The following ANKRD17 variants were observed in gnomAD, a reference collection of about 807,000 sequenced individuals.
The protein encoded by ANKRD17 is ankyrin repeat domain 17.
A neutral mutation model predicts 229.7 loss-of-function variants in ANKRD17; 19 were observed. The ratio of observed to expected loss-of-function variants is 0.08; its 90% CI spans 0.06 to 0.12. The LOEUF is 0.12. Ranked by LOEUF, ANKRD17 falls within the 10% of genes least tolerant of loss-of-function variation. The pLI, the probability that ANKRD17 is intolerant of heterozygous loss-of-function variation, is 1.00. For missense variants in ANKRD17, 2,176 were observed against 3,176.8 expected (o/e 0.68, Z 7.57); for synonymous variants, 1,112 against 1,146.1 (o/e 0.97, Z 0.60).
At chr4:73,164,909 ATAT>A (rs1224981698) in intron 2 of ANKRD17, among the ~76,000 whole-genome samples, 1 of 150,016 alleles carries the variant, frequency 6.7e-6, no homozygotes, top group Non-Finnish European at 1.5e-5. Context: ...AATATTATTT[ATAT>A]TATTATTTTA....
At chr4:73,095,264 T>C (rs1362142248) in intron 27 of ANKRD17, among the ~76,000 whole-genome samples, 1 of 152,048 alleles carries the variant, frequency 6.6e-6, no homozygotes, top group African/African-American at 2.4e-5. Flanking sequence ...TCTAAAAATC[T>C]TTAATAATGT....
intron 1 of ANKRD17, among the ~76,000 whole-genome samples, chr4:73,208,635 A>G (rs1440655235): frequency 1.3e-5 from 2 of 152,218 alleles, no homozygotes; most frequent in African/African-American, 2.4e-5. Flanking sequence ...TTAGAGATCA[A>G]TCCTCCAAGG....
intron 15 of ANKRD17, among the ~76,000 whole-genome samples, chr4:73,138,233 T>C (rs1035162838): frequency 2.0e-5 from 3 of 152,134 alleles, no homozygotes; most frequent in African/African-American, 4.8e-5. Flanking sequence ...CTTTCAAATC[T>C]ATAGAAAAAT....
chr4:73,121,733 C>T lies in ANKRD17; in HGVS notation c.3519G>A (p.Gly1173=). The T allele has an allele frequency of 6.2e-7, 1 of 1,607,680 alleles. No homozygotes were observed. Among genetic ancestry groups the T allele is most frequent in the Non-Finnish European group, 8.5e-7 (1 of 1,177,708 alleles). The change falls in exon 19 of 34, where the codon GGG becomes GGA. Residue 1173 remains glycine (G), a synonymous_variant. Coordinates refer to ENST00000358602, the MANE Select transcript of ANKRD17 (RefSeq NM_032217.5). ...AAACATTCCTGTGCTCTTTATTTGC[C>T]CCTCGAGCTAACAATAGCTCCACCA... ...QEVVELLLAR[G]ANKEHRNVSD...
chr4:73,184,528 CAAAAAAAAAAAAAAAAA>C (rs776930137), intron 1 of ANKRD17, among the ~76,000 whole-genome samples: 1 of 29,976 alleles, frequency 3.3e-5, no homozygotes, highest in Non-Finnish European at 6.5e-5. Context: ...GACTTCCTCT[CAAAAAAAAAAAAAAAAA>C]AAAAAAAAGA....
At position 73,146,374 on chromosome 4, in the gene ANKRD17, T is replaced by A. The variant is rs145927646; in HGVS notation, c.1869+390A>T. Among the ~76,000 whole-genome samples, 13 of 152,298 alleles carry A rather than the reference T, an allele frequency of 8.5e-5. No individual in the cohort carries two copies. The East Asian group carries it at 2.5e-3, about 29-fold the overall frequency. On this transcript the variant is annotated intron_variant, in intron 10 of 33. Transcript: ENST00000358602. ...TTATGTTTTAAACTCTTTTATTATTTAATAATGTTCTGAATATTGTAGGCA... is the reference window on the plus strand; with the variant it reads ...TTATGTTTTAAACTCTTTTATTATTAAATAATGTTCTGAATATTGTAGGCA...
intron 1 of ANKRD17, among the ~76,000 whole-genome samples, chr4:73,217,572 G>C (rs1234501988): frequency 6.6e-6 from 1 of 151,488 alleles, no homozygotes; most frequent in East Asian, 1.9e-4. Flanking sequence ...ATGTTGCTTA[G>C]GCTGGTCTTG....
At position 73,147,447 on chromosome 4, in the gene ANKRD17, CTAAT is replaced by C; in HGVS notation, c.1568-19_1568-16del. Reference sequence around the variant, plus strand: ...GATATTTGCTCCTAAAATAAAGATTCTAATTATTTAAAGAAAGTCATTAACTTAT... The same window carrying C: ...GATATTTGCTCCTAAAATAAAGATTCTATTTAAAGAAAGTCATTAACTTAT... On this transcript the variant is annotated splice_polypyrimidine_tract_variant and intron_variant, in intron 8 of 33. Coordinates refer to ENST00000358602, the MANE Select transcript of ANKRD17 (RefSeq NM_032217.5). 6.7e-7 allele frequency: 1 copy of C among 1,498,778 alleles called. No individual in the cohort carries two copies. The highest frequency in any genetic ancestry group is 8.9e-7 in the Non-Finnish European group (1 of 1,122,894). The allele number at this position is 1,498,778 out of a possible 1,614,324, so 92.8% of individuals were successfully genotyped here.
intron 2 of ANKRD17, among the ~76,000 whole-genome samples, chr4:73,173,944 G>A (rs750464211): frequency 2.1e-4 from 32 of 151,862 alleles, no homozygotes; most frequent in Non-Finnish European, 4.1e-4. Flanking sequence ...TTTCAACTGG[G>A]CATAAACTTT....
At chr4:73,123,646 TA>T (rs1239498904) in intron 18 of ANKRD17, among the ~76,000 whole-genome samples, 1 of 152,148 alleles carries the variant, frequency 6.6e-6, no homozygotes, top group Non-Finnish European at 1.5e-5. Context: ...GACCAAGCCC[TA>T]CCCTTACTGC....
chr4:73,174,493 T>C (rs1734472379), intron 2 of ANKRD17, among the ~76,000 whole-genome samples: 1 of 151,796 alleles, frequency 6.6e-6, no homozygotes, highest in Non-Finnish European at 1.5e-5. Flanking sequence ...AATGGGAAAA[T>C]GTTGAAAGCA....
chr4:73,206,443 A>C (rs956003620), intron 1 of ANKRD17, among the ~76,000 whole-genome samples: 7 of 152,094 alleles, frequency 4.6e-5, no homozygotes, highest in Admixed American at 3.9e-4. Flanking sequence ...AGAGAGAGAG[A>C]GAGAGAGAGA....
intron 1 of ANKRD17, among the ~76,000 whole-genome samples, chr4:73,197,437 C>T (rs1278638748): frequency 6.6e-5 from 10 of 152,176 alleles, no homozygotes; most frequent in African/African-American, 2.2e-4. Flanking sequence ...GTAGTCAGAA[C>T]TCTGAGAGAA....
intron 15 of ANKRD17, among the ~76,000 whole-genome samples, 189 bp downstream of exon 15, chr4:73,139,342 A>G (rs1729321397): frequency 6.6e-6 from 1 of 152,350 alleles, no homozygotes; most frequent in South Asian, 2.1e-4. Context: ...ATTTGTACTG[A>G]ATGAGCTAAT....
chr4:73,078,349 C>G (rs1721212920), intron 31 of ANKRD17, among the ~76,000 whole-genome samples: 1 of 151,698 alleles, frequency 6.6e-6, no homozygotes, highest in African/African-American at 2.4e-5. Flanking sequence ...TGCAGTCCGG[C>G]CTGGGTTACA....
intron 1 of ANKRD17, among the ~76,000 whole-genome samples, chr4:73,205,274 T>C (rs1397703886): frequency 6.6e-6 from 1 of 152,108 alleles, no homozygotes; most frequent in Non-Finnish European, 1.5e-5. Context: ...GCCATGGTCA[T>C]GCCACTGCAC....
intron 1 of ANKRD17, among the ~76,000 whole-genome samples, chr4:73,246,615 C>T (rs150418954): frequency 2.6e-5 from 4 of 152,124 alleles, no homozygotes; most frequent in Admixed American, 6.5e-5. Context: ...AGATATGTAA[C>T]GACACAATAG....
chr4:73,250,978 C>G (rs185172253), intron 1 of ANKRD17, among the ~76,000 whole-genome samples: 1 of 152,174 alleles, frequency 6.6e-6, no homozygotes, highest in Non-Finnish European at 1.5e-5. Flanking sequence ...AACTTAAAAA[C>G]TAACCCCAGG....
In ANKRD17 at chr4:73,242,403, A is replaced by G. The variant is rs148234505; in HGVS notation, c.393+15873T>C. 1.9e-3 allele frequency among the ~76,000 whole-genome samples: 286 copies of G among 152,334 alleles called. 1 individual carries two copies. The highest frequency in any genetic ancestry group is 6.6e-3 in the African/African-American group (274 of 41,584). The stretch of plus-strand genomic sequence containing the variant: ...AGAACTATAAAATAATCTGAAATAA[A>G]TTCCACAAGAAATGTGTAAAATCTA... On this transcript the variant is annotated intron_variant, in intron 1 of 33. Coordinates refer to ENST00000358602, the MANE Select transcript of ANKRD17 (RefSeq NM_032217.5).
Sources: gnomAD v4.1 joint callset for allele counts (sites outside exome capture counted in the v4.1 genomes callset) on GRCh38, gnomAD v4.1.1 for gene constraint, MANE v1.5 for transcripts, NCBI Gene and HGNC (gene_info 2026-07-23, HGNC 2026-07-21) for gene names.